Variants in BMP2K observed in about 807,000 individuals in gnomAD.
BMP2K encodes BMP2 inducible kinase.
In BMP2K, 74 loss-of-function variants were observed where a neutral mutation model predicts 116.0. The observed-to-expected ratio is 0.64, with a 90% CI of 0.53 to 0.77. The LOEUF (loss-of-function observed/expected upper bound fraction) is 0.77, where lower values mean the gene tolerates loss of function less well. Among genes scored for constraint, BMP2K ranks in the 30% least tolerant of loss-of-function variants. The pLI is 0.00. For missense variants in BMP2K, 1,365 were observed against 1,403.6 expected (o/e 0.97, Z 0.44); for synonymous variants, 486 against 502.5 (o/e 0.97, Z 0.44).
At chr4:78,904,412 T>C (rs567723677) in intron 15 of BMP2K, among the ~76,000 whole-genome samples, 102 of 152,104 alleles carry the variant, frequency 6.7e-4, no homozygotes, top group African/African-American at 2.4e-3. Context: ...ATTTGTGTCC[T>C]CTTGACACTT....
Position 78,872,618 on chromosome 4 carries a change from C to A in BMP2K, c.1613C>A (p.Pro538Gln). 3.1e-6 allele frequency: 5 copies of A among 1,613,028 alleles called. No individual in the cohort carries two copies. Among genetic ancestry groups the A allele is most frequent in the Non-Finnish European group, 4.2e-6 (5 of 1,179,586 alleles). The change falls in exon 13 of 16, where the codon CCG (proline) becomes CAG (glutamine). Residue 538 changes from proline to glutamine, a missense_variant. Physicochemically the swap from Pro to Gln is moderately conservative, Grantham distance 76 (BLOSUM62 -1). Transcript: ENST00000502613. ...TAATATCATTTCTTTTTTCAGATGC[C>A]GCAGTATCAGCAGGCTTTCTTTCAA... The part of the protein sequence containing the change: ...PSASQYPTMM[P>Q]QYQQAFFQQQ...
intron 1 of BMP2K, among the ~76,000 whole-genome samples, chr4:78,807,982 C>T (rs1443434940): frequency 6.6e-6 from 1 of 151,878 alleles, no homozygotes; most frequent in African/African-American, 2.4e-5. Context: ...ATTTGTTTCA[C>T]TTATTTCCAC....
chr4:78,905,142 CAATT>C (rs1216714156), intron 15 of BMP2K, among the ~76,000 whole-genome samples: 12 of 151,680 alleles, frequency 7.9e-5, no homozygotes, highest in Admixed American at 5.9e-4. Flanking sequence ...TAATAGCTCT[CAATT>C]AATTGATTAA....
intron 1 of BMP2K, among the ~76,000 whole-genome samples, chr4:78,825,458 CTT>C (rs1052510393): frequency 2.6e-5 from 4 of 152,160 alleles, no homozygotes; most frequent in African/African-American, 9.7e-5. Flanking sequence ...CTCTACCAGT[CTT>C]TTATCTATGG....
intron 1 of BMP2K, among the ~76,000 whole-genome samples, chr4:78,811,567 T>C (rs565700945): frequency 4.6e-5 from 7 of 152,326 alleles, no homozygotes; most frequent in Non-Finnish European, 7.4e-5. Context: ...CTTCTCCCTT[T>C]TCTTCTTCTT....
chr4:78,822,173 G>C (rs1239114032), intron 1 of BMP2K, among the ~76,000 whole-genome samples: 1 of 151,626 alleles, frequency 6.6e-6, no homozygotes, highest in African/African-American at 2.4e-5. Context: ...TTAGATGGAG[G>C]ATTGTCCATT....
At chr4:78,817,782 C>CTGTTTGGTT (rs1230963941) in intron 1 of BMP2K, among the ~76,000 whole-genome samples, 26 of 152,098 alleles carry the variant, frequency 1.7e-4, no homozygotes, top group African/African-American at 6.3e-4. Flanking sequence ...TCTGTCTAAC[C>CTGTTTGGTT]TCTAGTTGGT....
intron 15 of BMP2K, among the ~76,000 whole-genome samples, chr4:78,908,882 C>CA: frequency 1.3e-5 from 2 of 152,092 alleles, no homozygotes; most frequent in Admixed American, 1.3e-4. Flanking sequence ...TCACGCCACT[C>CA]ATTCTTTTCT....
At position 78,911,330 on chromosome 4, in the gene BMP2K, G is replaced by A. The variant is rs1321091031; in HGVS notation, c.2783G>A (p.Ser928Asn). The change falls in exon 16 of 16, where the codon AGT becomes AAT. Residue 928 changes from serine (S) to asparagine (N), a missense_variant. Physicochemically the swap from Ser to Asn is conservative, Grantham distance 46 (BLOSUM62 1). This residue lies in a region of BMP2K where 596 missense variants were observed against 623.2 expected (regional missense o/e 0.96). Transcript: ENST00000502613. ...EAHTIPGYPK[S>N]VDVFGSTPFQ... ...CATACTATCCCTGGTTATCCCAAAAGTGTAGATGTATTTGGCTCCACTCCA... is the reference window on the plus strand; with the variant it reads ...CATACTATCCCTGGTTATCCCAAAAATGTAGATGTATTTGGCTCCACTCCA... 5.6e-6 allele frequency: 9 copies of A among 1,613,780 alleles called. No individual in the cohort carries two copies. The highest frequency in any genetic ancestry group is 7.6e-6 in the Non-Finnish European group (9 of 1,179,862).
rs1352046650 is a variant in BMP2K, at chr4:78,912,843, A to G, written c.*810A>G. ...AGAAATATCTGACATTTGTAAAGAA[A>G]TTATAAGAAGAAAAAAAGATACAGA... is the stretch of plus-strand genomic sequence containing the variant. On this transcript the variant is annotated 3_prime_UTR_variant, in exon 16 of 16. Transcript: ENST00000502613. 3 of 152,204 alleles carry G rather than the reference A, an allele frequency of 2.0e-5. No homozygotes were observed. 9.4% of individuals were successfully genotyped at this position (152,204 alleles called of 1,614,324 possible). A position where few individuals can be genotyped will look rare whatever the true frequency, so the allele number is the denominator to read the frequency against.
At chr4:78,800,101 T>C (rs1264170984) in intron 1 of BMP2K, among the ~76,000 whole-genome samples, 3 of 152,200 alleles carry the variant, frequency 2.0e-5, no homozygotes, top group African/African-American at 7.2e-5. Flanking sequence ...TAAACCTATT[T>C]GAACAATTGT....
chr4:78,821,587 G>A (rs1374606055), intron 1 of BMP2K, among the ~76,000 whole-genome samples: 1 of 152,120 alleles, frequency 6.6e-6, no homozygotes, highest in East Asian at 1.9e-4. Context: ...TATACTGCTG[G>A]TTTAATTAAT....
chr4:78,782,517 C>G (rs1273604733), intron 1 of BMP2K, among the ~76,000 whole-genome samples: 1 of 152,050 alleles, frequency 6.6e-6, no homozygotes, highest in African/African-American at 2.4e-5. Context: ...TTGAAGAGCA[C>G]CAATGGAGGG....
chr4:78,832,949 T>A lies in BMP2K; in HGVS notation c.298-633T>A, dbSNP rs1450146893. On this transcript the variant is annotated intron_variant, in intron 2 of 15. Transcript: ENST00000502613. ...ATATTTTTAATAGTTGTTTTTAAAT[T>A]TCCCAGTAGAACAGAGTAGGTTATT... 2.0e-5 allele frequency among the ~76,000 whole-genome samples: 3 copies of A among 152,022 alleles called. No homozygotes were observed. In the South Asian group the frequency reaches 6.2e-4, roughly 31 times the overall value.
At chr4:78,787,768 T>G (rs1727798076) in intron 1 of BMP2K, among the ~76,000 whole-genome samples, 1 of 152,216 alleles carries the variant, frequency 6.6e-6, no homozygotes, top group Admixed American at 6.5e-5. Context: ...ACATTTAGTT[T>G]GCTTTTAGAT....
chr4:78,884,638 T>C (rs958213757), intron 14 of BMP2K, among the ~76,000 whole-genome samples: 2 of 152,216 alleles, frequency 1.3e-5, no homozygotes, highest in African/African-American at 4.8e-5. Flanking sequence ...CTTTTCTCTG[T>C]CCTCAGTGCT....
intron 6 of BMP2K, among the ~76,000 whole-genome samples, chr4:78,847,717 T>C (rs948077312): frequency 6.6e-6 from 1 of 151,700 alleles, no homozygotes; most frequent in Non-Finnish European, 1.5e-5. Context: ...TGACTAGCTT[T>C]TGTATATTGA....
intron 3 of BMP2K, among the ~76,000 whole-genome samples, chr4:78,839,729 A>G (rs1430856719): frequency 6.6e-6 from 1 of 152,184 alleles, no homozygotes; most frequent in Non-Finnish European, 1.5e-5. Flanking sequence ...CGACTGCAAA[A>G]ACTGAAGCAG....
intron 1 of BMP2K, among the ~76,000 whole-genome samples, chr4:78,794,412 A>G (rs780920088): frequency 3.3e-5 from 5 of 152,180 alleles, no homozygotes; most frequent in Admixed American, 1.3e-4. Flanking sequence ...AATATTCTGA[A>G]TACCAAAAGT....
Sources: allele counts gnomAD v4.1 joint callset (sites outside exome capture counted in the v4.1 genomes callset), GRCh38; gene constraint gnomAD v4.1.1; regional missense constraint gnomAD v4.1.1; transcripts MANE v1.5; gene names NCBI Gene and HGNC (gene_info 2026-07-23, HGNC 2026-07-21).